LRRFIP1: variants seen among roughly 807,000 people sequenced by gnomAD.
The protein encoded by LRRFIP1 is LRR binding FLII interacting protein 1, also known as leucine-rich repeat flightless-interacting protein 1.
Under a neutral mutation model 104.4 loss-of-function variants are expected in LRRFIP1, and 62 were observed. The observed-to-expected ratio is 0.59, with a 90% CI of 0.48 to 0.73. LRRFIP1 has a LOEUF of 0.73. LRRFIP1 is among the 30% of genes least tolerant of loss of function. LRRFIP1 has a pLI of 0.00. For missense variants in LRRFIP1, 796 were observed against 824.5 expected (o/e 0.97, Z 0.42); for synonymous variants, 300 against 299.0 (o/e 1.00, Z -0.03).
chr2:237,709,742 A>G lies in LRRFIP1; in HGVS notation c.183+1112A>G, dbSNP rs186965435. Reference sequence around the variant, plus strand: ...CATGCAGAGGCTAGGCAGTGTCACCAAGCCCTGGAACCATCCTGCACACTC... The same window carrying G: ...CATGCAGAGGCTAGGCAGTGTCACCGAGCCCTGGAACCATCCTGCACACTC... On this transcript the variant is annotated intron_variant, in intron 2 of 23. Transcript: ENST00000308482. Among the ~76,000 whole-genome samples the G allele has an allele frequency of 2.8e-3, 430 of 152,320 alleles. 9 individuals carry two copies. In the East Asian group the frequency reaches 0.046, roughly 16 times the overall value.
At chr2:237,770,257 C>G (rs1260691353) in intron 20 of LRRFIP1, 1 of 406,730 alleles carries the variant, frequency 2.5e-6, no homozygotes, top group Non-Finnish European at 4.5e-6. Flanking sequence ...GTACATTTTA[C>G]TGAATTGCTG....
At chr2:237,774,967 C>T (rs1311016733) in intron 23 of LRRFIP1, among the ~76,000 whole-genome samples, 2 of 152,264 alleles carry the variant, frequency 1.3e-5, no homozygotes, top group East Asian at 1.9e-4. Flanking sequence ...CCAATTAAAA[C>T]ACATACTTTA....
chr2:237,658,444 T>C (rs543521015), intron 1 of LRRFIP1, among the ~76,000 whole-genome samples: 1 of 152,292 alleles, frequency 6.6e-6, no homozygotes, highest in Non-Finnish European at 1.5e-5. Context: ...CTAAAACTTG[T>C]ATGGAAAAAT....
intron 1 of LRRFIP1, among the ~76,000 whole-genome samples, chr2:237,692,730 G>A (rs983058353): frequency 1.3e-5 from 2 of 152,208 alleles, no homozygotes; most frequent in East Asian, 3.9e-4. Context: ...TAGGAAGCAC[G>A]CTTTATTGTG....
chr2:237,632,809 G>A (rs1016938310), intron 1 of LRRFIP1, among the ~76,000 whole-genome samples: 1 of 152,200 alleles, frequency 6.6e-6, no homozygotes, highest in African/African-American at 2.4e-5. Flanking sequence ...CAGCTGCAAA[G>A]ATGCAAATCT....
At chr2:237,679,956 A>G (rs537703007) in intron 1 of LRRFIP1, among the ~76,000 whole-genome samples, 19 of 152,190 alleles carry the variant, frequency 1.2e-4, no homozygotes, top group Non-Finnish European at 2.6e-4. Flanking sequence ...TCAATGTTGC[A>G]TGTAGGAATA....
chr2:237,704,205 T>G (rs1196007847), intron 1 of LRRFIP1, among the ~76,000 whole-genome samples: 59 of 146,926 alleles, frequency 4.0e-4, no homozygotes, highest in African/African-American at 1.5e-3. Flanking sequence ...CAGGCTGGAG[T>G]GCAGTGGTGC....
chr2:237,710,785 T>C (rs760570535), intron 2 of LRRFIP1, among the ~76,000 whole-genome samples: 1 of 152,226 alleles, frequency 6.6e-6, no homozygotes, highest in Non-Finnish European at 1.5e-5. Flanking sequence ...AGCATCCCTT[T>C]ATTCCTTTGA....
intron 9 of LRRFIP1, 88 bp downstream of exon 9, chr2:237,733,906 G>A: frequency 1.4e-6 from 2 of 1,402,810 alleles, no homozygotes; most frequent in Non-Finnish European, 1.0e-6. Flanking sequence ...GGATGTGCCT[G>A]TTCCCAGCCC....
rs1245040695 is a variant in LRRFIP1 at position 237,735,979 on chromosome 2, T to C, written c.555+646T>C. On this transcript the variant is annotated intron_variant, in intron 10 of 23. Transcript: ENST00000308482. This position sits in a 1 kb window ranked among gnomAD's most constrained non-coding sequence, Gnocchi z 4.6. Reference sequence around the variant, plus strand: ...CGGTGCTCCCTGGCGGTGGATCTCCTGTATTCAGAGGCTCCTCCCCAATCC... The same window carrying C: ...CGGTGCTCCCTGGCGGTGGATCTCCCGTATTCAGAGGCTCCTCCCCAATCC... Among the ~76,000 whole-genome samples, 1 of 152,226 alleles carries C rather than the reference T, an allele frequency of 6.6e-6. No homozygotes were observed. Among genetic ancestry groups the C allele is most frequent in the African/African-American group, 2.4e-5 (1 of 41,454 alleles).
chr2:237,780,665 C>T lies in LRRFIP1; in HGVS notation c.*1133C>T, dbSNP rs2061412830. Among the ~76,000 whole-genome samples, 1 of 152,154 alleles carries T rather than the reference C, an allele frequency of 6.6e-6. No individual in the cohort carries two copies. The highest frequency in any genetic ancestry group is 2.4e-5 in the African/African-American group (1 of 41,430). ...AAGTGGAAACTGAGTCAGTATCATC[C>T]AAAACCATATCTAGTCTTAACACAT... On this transcript the variant is annotated 3_prime_UTR_variant, in exon 24 of 24. Transcript: ENST00000308482.
chr2:237,771,605 G>T (rs1346056690), intron 20 of LRRFIP1, among the ~76,000 whole-genome samples: 4 of 123,972 alleles, frequency 3.2e-5, no homozygotes, highest in African/African-American at 1.3e-4. Context: ...TTTCTGTCTT[G>T]CTTAGAGAGG....
Position 237,649,843 on chromosome 2 carries a change from C to G in LRRFIP1, c.96+22103C>G, listed in dbSNP as rs1249499167. On this transcript the variant is annotated intron_variant, in intron 1 of 23. Coordinates refer to ENST00000308482, the MANE Select transcript of LRRFIP1 (RefSeq NM_001137550.2). This position sits in a 1 kb window ranked among gnomAD's most constrained non-coding sequence, Gnocchi z 4.1. Reference sequence around the variant, plus strand: ...TCATGTATTCACTTTTCCTCCGATTCAACAAAAAAAAAAATTGATTACCCC... The same window carrying G: ...TCATGTATTCACTTTTCCTCCGATTGAACAAAAAAAAAAATTGATTACCCC... Among the ~76,000 whole-genome samples, 2 of 148,536 alleles carry G rather than the reference C, an allele frequency of 1.3e-5. No individual in the cohort carries two copies. Among genetic ancestry groups the G allele is most frequent in the African/African-American group, 4.9e-5 (2 of 40,936 alleles).
At chr2:237,751,623 G>A (rs898096692) in intron 14 of LRRFIP1, among the ~76,000 whole-genome samples, 3 of 152,178 alleles carry the variant, frequency 2.0e-5, no homozygotes, top group African/African-American at 7.2e-5. Flanking sequence ...TTCACTTTTT[G>A]TAGTAGTTGT....
At chr2:237,627,849 C>G in intron 1 of LRRFIP1, 109 bp downstream of exon 1, 1 of 710,512 alleles carries the variant, frequency 1.4e-6, no homozygotes. Context: ...TGTGCCACTG[C>G]GCGTCCGGCT....
At chr2:237,689,484 T>G (rs2092624204) in intron 1 of LRRFIP1, among the ~76,000 whole-genome samples, 1 of 152,192 alleles carries the variant, frequency 6.6e-6, no homozygotes, top group Non-Finnish European at 1.5e-5. Flanking sequence ...ATTATTTTAT[T>G]GCTGGTAATG....
chr2:237,695,851 G>A (rs917476544), intron 1 of LRRFIP1, among the ~76,000 whole-genome samples: 18 of 151,406 alleles, frequency 1.2e-4, no homozygotes, highest in South Asian at 4.2e-4. Context: ...AAGTAAATTC[G>A]TTTCTTTCTC....
chr2:237,635,064 C>G (rs139768237), intron 1 of LRRFIP1, among the ~76,000 whole-genome samples: 15 of 152,252 alleles, frequency 9.9e-5, no homozygotes, highest in African/African-American at 3.6e-4. Context: ...TCCCTATTTT[C>G]TGGATTCCAT....
chr2:237,714,407 T>C, intron 3 of LRRFIP1, 131 bp downstream of exon 3: 2 of 676,678 alleles, frequency 3.0e-6, no homozygotes, highest in South Asian at 4.9e-5. Flanking sequence ...TTTACTACTT[T>C]GTGTATGAAT....
Sources: allele counts gnomAD v4.1 joint callset (sites outside exome capture counted in the v4.1 genomes callset), GRCh38; gene constraint gnomAD v4.1.1; non-coding constraint Gnocchi (gnomAD v3.1); transcripts MANE v1.5; gene names NCBI Gene and HGNC (gene_info 2026-07-23, HGNC 2026-07-21).